Variants in LRRFIP1 observed in about 807,000 individuals in gnomAD.
LRRFIP1 encodes the protein leucine-rich repeat flightless-interacting protein 1.
A neutral mutation model predicts 104.4 loss-of-function variants in LRRFIP1; 62 were observed. That is an observed-to-expected ratio of 0.59 (90% CI 0.48 to 0.73). LRRFIP1 has a LOEUF of 0.73. Ranked by LOEUF, LRRFIP1 falls within the 30% of genes least tolerant of loss-of-function variation. The pLI is 0.00. For missense variants in LRRFIP1, 796 were observed against 824.5 expected, an observed-to-expected ratio of 0.97 and a Z score of 0.42; for synonymous variants, 300 against 299.0, an observed-to-expected ratio of 1.00 and a Z score of -0.03.
At chr2:237,730,574 G>A (rs4280404) in intron 8 of LRRFIP1, among the ~76,000 whole-genome samples, 19,145 of 152,046 alleles carry the variant, frequency 0.13, 2,754 homozygotes, top group African/African-American at 0.36. Context: ...TAGATAGAAT[G>A]GGAGGGAGAC....
chr2:237,771,395 A>G (rs1193301516), intron 20 of LRRFIP1, among the ~76,000 whole-genome samples: 2 of 152,234 alleles, frequency 1.3e-5, no homozygotes, highest in South Asian at 4.2e-4. Context: ...GAATCCACAC[A>G]AATGAAGTGA....
At position 237,661,769 on chromosome 2, in the gene LRRFIP1, AC is replaced by A. The variant is rs1176899012; in HGVS notation, c.96+34030del. 6.6e-6 allele frequency among the ~76,000 whole-genome samples: 1 copy of A among 152,136 alleles called. No homozygotes were observed. The highest frequency in any genetic ancestry group is 1.5e-5 in the Non-Finnish European group (1 of 68,016). Reference sequence around the variant, plus strand: ...GGACAGCTCCAGGAAGAGAGAGGGCACTGTTTTCCTGTTTCCTGAGTCAATC... The same window carrying A: ...GGACAGCTCCAGGAAGAGAGAGGGCATGTTTTCCTGTTTCCTGAGTCAATC... On this transcript the variant is annotated intron_variant, in intron 1 of 23. Transcript: ENST00000308482. The surrounding 1 kb of genome is among the most constrained non-coding windows in gnomAD (Gnocchi z 4.4).
At chr2:237,673,354 G>C (rs1359571587) in intron 1 of LRRFIP1, among the ~76,000 whole-genome samples, 1 of 152,134 alleles carries the variant, frequency 6.6e-6, no homozygotes, top group African/African-American at 2.4e-5. Context: ...TAGGCGCCCG[G>C]GGGGAGTCTG....
intron 2 of LRRFIP1, among the ~76,000 whole-genome samples, chr2:237,710,588 A>G (rs553052035): frequency 2.8e-4 from 42 of 152,180 alleles, no homozygotes; most frequent in Non-Finnish European, 5.9e-4. Context: ...CACCGGCCCC[A>G]TATTAGAATT....
At chr2:237,637,289 G>A (rs1034328414) in intron 1 of LRRFIP1, among the ~76,000 whole-genome samples, 4 of 152,140 alleles carry the variant, frequency 2.6e-5, no homozygotes, top group African/African-American at 9.7e-5. Context: ...CCAATATGGT[G>A]AAACCCCATC....
At chr2:237,763,017 C>T in intron 19 of LRRFIP1, 2 of 1,614,200 alleles carry the variant, frequency 1.2e-6, no homozygotes, top group Non-Finnish European at 1.7e-6. Flanking sequence ...GAAGAGCAGG[C>T]AGGCACAGTG....
At chr2:237,706,293 C>T (rs2093803307) in intron 1 of LRRFIP1, among the ~76,000 whole-genome samples, 1 of 152,138 alleles carries the variant, frequency 6.6e-6, no homozygotes, top group Non-Finnish European at 1.5e-5. Context: ...TCTGGTGGCC[C>T]TTCTTTCCCC....
intron 12 of LRRFIP1, 131 bp downstream of exon 12, chr2:237,748,530 A>C: frequency 1.2e-6 from 1 of 805,254 alleles, no homozygotes; most frequent in Non-Finnish European, 2.0e-6. Context: ...CGGCCCACCT[A>C]ACCTGGTATC....
chr2:237,762,826 T>G (rs1309438068), intron 19 of LRRFIP1: 1 of 1,614,156 alleles, frequency 6.2e-7, no homozygotes, highest in Admixed American at 1.7e-5. Context: ...AGGAACAGGT[T>G]CAAAGCCAAA....
rs2094005963 is a variant in LRRFIP1 at position 237,710,281 on chromosome 2, TC to T, written c.183+1653del. 2.0e-5 allele frequency among the ~76,000 whole-genome samples: 3 copies of T among 151,728 alleles called. No homozygotes were observed. In the South Asian group the frequency reaches 6.2e-4, roughly 31 times the overall value. ...TTTAGATAAAAACGTATTGATTGTATCCTTTTTTTTTTCTTTTTTTGAGACA... is the reference window on the plus strand; with the variant it reads ...TTTAGATAAAAACGTATTGATTGTATCTTTTTTTTTTCTTTTTTTGAGACA... On this transcript the variant is annotated intron_variant, in intron 2 of 23. Coordinates refer to ENST00000308482, the MANE Select transcript of LRRFIP1 (RefSeq NM_001137550.2).
rs952499776 is a variant in LRRFIP1, at chr2:237,703,002, A to G, written c.97-5542A>G. ...TGTATGGGCAGAGAAAGGAGGCTTC[A>G]GGGTGTAGGACCCCAGGAGCAGGCA... On this transcript the variant is annotated intron_variant, in intron 1 of 23. Coordinates refer to ENST00000308482, the MANE Select transcript of LRRFIP1 (RefSeq NM_001137550.2). The surrounding 1 kb of genome is among the most constrained non-coding windows in gnomAD (Gnocchi z 4.3). 1.3e-5 allele frequency among the ~76,000 whole-genome samples: 2 copies of G among 152,212 alleles called. No homozygotes were observed. Among genetic ancestry groups the G allele is most frequent in the Non-Finnish European group, 2.9e-5 (2 of 68,040 alleles).
At chr2:237,722,769 C>A (rs1284738921) in intron 6 of LRRFIP1, among the ~76,000 whole-genome samples, 1 of 152,086 alleles carries the variant, frequency 6.6e-6, no homozygotes, top group South Asian at 2.1e-4. Context: ...GGTGAAGAGG[C>A]CTGCGTGGGG....
At chr2:237,686,310 T>C (rs1265142237) in intron 1 of LRRFIP1, among the ~76,000 whole-genome samples, 1 of 152,156 alleles carries the variant, frequency 6.6e-6, no homozygotes. Context: ...ACCTATTAGA[T>C]GAAAAATAAG....
At chr2:237,757,308 C>G in intron 16 of LRRFIP1, 148 bp from the exon 17 acceptor site, 2 of 530,518 alleles carry the variant, frequency 3.8e-6, no homozygotes, top group Non-Finnish European at 6.7e-6. Flanking sequence ...GAAAAAAATC[C>G]TAGAATGCTG....
chr2:237,681,697 T>TTTTTTTTTTTTTTTTTG (rs1161155692), intron 1 of LRRFIP1, among the ~76,000 whole-genome samples: 2 of 107,928 alleles, frequency 1.9e-5, no homozygotes, highest in Admixed American at 1.0e-4. Context: ...TTTTTTTTTT[T>TTTTTTTTTTTTTTTTTG]GAGACGGAGT....
At chr2:237,663,838 G>T (rs1001868112) in intron 1 of LRRFIP1, among the ~76,000 whole-genome samples, 2 of 152,156 alleles carry the variant, frequency 1.3e-5, no homozygotes, top group Non-Finnish European at 2.9e-5. Flanking sequence ...GTCTGGCAAA[G>T]GTTCACGTGC....
intron 2 of LRRFIP1, among the ~76,000 whole-genome samples, chr2:237,714,016 A>G (rs1445875957): frequency 6.6e-6 from 1 of 152,232 alleles, no homozygotes; most frequent in Non-Finnish European, 1.5e-5. Context: ...TAATAGCAGT[A>G]TTTTTGGTAA....
At position 237,766,235 on chromosome 2, in the gene LRRFIP1, T is replaced by C. The variant is rs1012959598; in HGVS notation, c.1460-3708T>C. ...ACCTGCGCCACTACTTACAGTGTTT[T>C]GAAGAGCAGGATGAAAACGGCAAAA... On this transcript the variant is annotated intron_variant, in intron 19 of 23. Coordinates refer to ENST00000308482, the MANE Select transcript of LRRFIP1 (RefSeq NM_001137550.2). The surrounding 1 kb of genome is among the most constrained non-coding windows in gnomAD (Gnocchi z 4.8). 1.3e-5 allele frequency among the ~76,000 whole-genome samples: 2 copies of C among 152,204 alleles called. No homozygotes were observed. Among genetic ancestry groups the C allele is most frequent in the African/African-American group, 2.4e-5 (1 of 41,438 alleles).
intron 1 of LRRFIP1, among the ~76,000 whole-genome samples, chr2:237,694,564 G>T (rs988144999): frequency 3.3e-5 from 5 of 152,182 alleles, no homozygotes; most frequent in African/African-American, 1.2e-4. Flanking sequence ...ACACTGGTTT[G>T]TGCCAGTTCT....
Sources: gnomAD v4.1 joint callset for allele counts (sites outside exome capture counted in the v4.1 genomes callset) on GRCh38, gnomAD v4.1.1 for gene constraint, Gnocchi (gnomAD v3.1) non-coding constraint, MANE v1.5 for transcripts, NCBI Gene and HGNC (gene_info 2026-07-23, HGNC 2026-07-21) for gene names.